Variants in TALDO1 observed in about 807,000 individuals in gnomAD.
The protein encoded by TALDO1 is transaldolase.
In TALDO1, 29 loss-of-function variants were observed where a neutral mutation model predicts 38.1. The ratio of observed to expected loss-of-function variants is 0.76; its 90% CI spans 0.57 to 1.04. TALDO1 has a LOEUF of 1.04. TALDO1 is among the 50% of genes least tolerant of loss of function. TALDO1 has a pLI of 0.00. For missense variants in TALDO1, 499 were observed against 438.1 expected (o/e 1.14, Z -1.24); for synonymous variants, 207 against 176.8 (o/e 1.17, Z -1.36).
chr11:748,895 C>T (rs1338974877), intron 1 of TALDO1, among the ~76,000 whole-genome samples: 1 of 152,180 alleles, frequency 6.6e-6, no homozygotes, highest in African/African-American at 2.4e-5. Context: ...TTTTTCCCTT[C>T]TTAGCACTGA....
At chr11:750,621 C>T (rs902672047) in intron 1 of TALDO1, among the ~76,000 whole-genome samples, 2 of 152,022 alleles carry the variant, frequency 1.3e-5, no homozygotes, top group African/African-American at 2.4e-5. Context: ...TCAGGAGATC[C>T]AGACCATCCT....
At chr11:751,742 C>G (rs1862754937) in intron 1 of TALDO1, among the ~76,000 whole-genome samples, 1 of 152,044 alleles carries the variant, frequency 6.6e-6, no homozygotes, top group Admixed American at 6.6e-5. Flanking sequence ...TTGCAGTGAG[C>G]CGGGATCACG....
At chr11:751,127 A>G (rs1862742712) in intron 1 of TALDO1, among the ~76,000 whole-genome samples, 1 of 152,002 alleles carries the variant, frequency 6.6e-6, no homozygotes, top group Non-Finnish European at 1.5e-5. Flanking sequence ...CACGTGGTGC[A>G]ACACGGCTAA....
intron 1 of TALDO1, among the ~76,000 whole-genome samples, chr11:751,780 G>A (rs1862756032): frequency 1.3e-5 from 2 of 152,004 alleles, no homozygotes. Flanking sequence ...GGGCGACAGA[G>A]CGAGACTCCA....
intron 3 of TALDO1, among the ~76,000 whole-genome samples, chr11:759,328 C>G (rs558765346): frequency 6.6e-6 from 1 of 152,282 alleles, no homozygotes; most frequent in South Asian, 2.1e-4. Flanking sequence ...GTGGCGCAAT[C>G]TCAGCTCACT....
At chr11:764,560 G>A in intron 7 of TALDO1, 127 bp downstream of exon 7, 5 of 1,482,994 alleles carry the variant, frequency 3.4e-6, no homozygotes, top group Non-Finnish European at 3.7e-6. Flanking sequence ...GTGCTGTCCA[G>A]CAAGTGGGGC....
Position 763,768 on chromosome 11 carries a change from T to C in TALDO1, c.659T>C (p.Ile220Thr). 6.2e-7 allele frequency: 1 copy of C among 1,614,010 alleles called. No individual in the cohort carries two copies. The highest frequency in any genetic ancestry group is 2.2e-5 in the East Asian group (1 of 44,882). Residue 220 changes from isoleucine (I) to threonine (T), a missense_variant, in exon 6 of 8, where the codon ATC becomes ACC. Transcript: ENST00000319006. ...CCAGGGGTAAAGAGTGTCACTAAAA[T>C]CTACAACTACTACAAGAAGTTTAGC... Reference protein sequence around the residue: ...EDPGVKSVTKIYNYYKKFSYK... With the variant: ...EDPGVKSVTKTYNYYKKFSYK...
intron 1 of TALDO1, 59 bp from the exon 2 acceptor site, chr11:755,820 T>C (rs1232940307): frequency 6.2e-6 from 10 of 1,613,028 alleles, no homozygotes; most frequent in African/African-American, 4.0e-5. Flanking sequence ...TTCCTTCACA[T>C]GTTTCCAGTT....
At chr11:764,216 G>A (rs1010066878) in intron 6 of TALDO1, 72 bp from the exon 7 acceptor site, 4 of 1,611,140 alleles carry the variant, frequency 2.5e-6, no homozygotes, top group Non-Finnish European at 3.4e-6. Flanking sequence ...CAGCAGTTCA[G>A]GCCCTGAGCC....
chr11:761,214 T>C (rs1862918805), intron 4 of TALDO1, among the ~76,000 whole-genome samples: 1 of 151,012 alleles, frequency 6.6e-6, no homozygotes, highest in Non-Finnish European at 1.5e-5. Context: ...CAGGTGCCTG[T>C]AATCCTAGCT....
At position 747,559 on chromosome 11, in the gene TALDO1, C is replaced by T. The variant is rs886048659; in HGVS notation, c.78C>T (p.Ala26=). 6.3e-7 allele frequency: 1 copy of T among 1,586,180 alleles called. No individual in the cohort carries two copies. Among genetic ancestry groups the T allele is most frequent in the Admixed American group, 1.7e-5 (1 of 57,494 alleles). The part of the protein sequence containing the change: ...DQLKQFTTVV[A]DTGDFHAIDE... The stretch of plus-strand genomic sequence containing the variant: ...TCAAGCAGTTCACCACCGTGGTGGC[C>T]GACACGGGCGACTTCCACGGTGAGG... The change falls in exon 1 of 8, where the codon GCC becomes GCT. Residue 26 remains alanine, a synonymous_variant. Coordinates refer to ENST00000319006, the MANE Select transcript of TALDO1 (RefSeq NM_006755.2).
At chr11:754,019 C>G (rs890403878) in intron 1 of TALDO1, among the ~76,000 whole-genome samples, 1 of 151,848 alleles carries the variant, frequency 6.6e-6, no homozygotes, top group Non-Finnish European at 1.5e-5. Context: ...GAGTCTTGCT[C>G]CATTGCCCAG....
At chr11:748,195 G>C (rs1236653704) in intron 1 of TALDO1, among the ~76,000 whole-genome samples, 2 of 152,230 alleles carry the variant, frequency 1.3e-5, no homozygotes, top group East Asian at 1.9e-4. Flanking sequence ...ACATCAGCTA[G>C]CTCTGACCAG....
At position 763,314 on chromosome 11, in the gene TALDO1, GCCCCGCCCTCACC is replaced by G; in HGVS notation, c.462-29_462-17del. ...CCCTCACCTGTCCCCGCCCTCACCTGCCCCGCCCTCACCTGTCCCCGCCCCGCAGGGAGCTCGA... is the reference window on the plus strand; with the variant it reads ...CCCTCACCTGTCCCCGCCCTCACCTGTGTCCCCGCCCCGCAGGGAGCTCGA... On this transcript the variant is annotated splice_polypyrimidine_tract_variant and intron_variant, in intron 4 of 7. Transcript: ENST00000319006. 2 of 568,286 alleles carry G rather than the reference GCCCCGCCCTCACC, an allele frequency of 3.5e-6. No homozygotes were observed. Among genetic ancestry groups the G allele is most frequent in the East Asian group, 6.2e-5 (1 of 16,048 alleles). 35.2% of individuals were successfully genotyped at this position (568,286 alleles called of 1,614,324 possible).
intron 2 of TALDO1, among the ~76,000 whole-genome samples, chr11:758,080 G>A (rs933719306): frequency 3.9e-5 from 6 of 152,186 alleles, no homozygotes; most frequent in African/African-American, 1.2e-4. Flanking sequence ...TCAGGAGATC[G>A]AGACCATCCT....
At chr11:758,144 C>G (rs1590069628) in intron 2 of TALDO1, among the ~76,000 whole-genome samples, 1 of 152,188 alleles carries the variant, frequency 6.6e-6, no homozygotes, top group Non-Finnish European at 1.5e-5. Context: ...ATTAGCCGGG[C>G]ACAGTGGCGG....
Position 749,223 on chromosome 11 carries a change from T to C in TALDO1, c.97+1645T>C, listed in dbSNP as rs1253248982. ...TTCGAGACCAGCCTGACCAACATGG[T>C]GAAACCCCGTCTCTACTAAAAATAC... is the stretch of plus-strand genomic sequence containing the variant. On this transcript the variant is annotated intron_variant, in intron 1 of 7. Coordinates refer to ENST00000319006, the MANE Select transcript of TALDO1 (RefSeq NM_006755.2). Among the ~76,000 whole-genome samples the C allele has an allele frequency of 1.9e-4, 29 of 152,094 alleles. No individual in the cohort carries two copies. The East Asian group carries it at 5.6e-3, about 29-fold the overall frequency.
chr11:753,993 AT>A (rs201942233), intron 1 of TALDO1, among the ~76,000 whole-genome samples: 8 of 148,540 alleles, frequency 5.4e-5, no homozygotes, highest in Admixed American at 1.3e-4. Context: ...AAACTTTTTT[AT>A]TTTTTTTTGC....
chr11:757,464 T>A (rs1049678700), intron 2 of TALDO1, among the ~76,000 whole-genome samples: 1 of 151,986 alleles, frequency 6.6e-6, no homozygotes, highest in Non-Finnish European at 1.5e-5. Flanking sequence ...GGCTAATATT[T>A]GTATTTGTTT....
Sources: gnomAD v4.1 joint callset for allele counts (sites outside exome capture counted in the v4.1 genomes callset) on GRCh38, gnomAD v4.1.1 for gene constraint, MANE v1.5 for transcripts, NCBI Gene and HGNC (gene_info 2026-07-23, HGNC 2026-07-21) for gene names.